Variants in PAK5 observed in about 807,000 individuals in gnomAD.
PAK5 encodes serine/threonine-protein kinase PAK 5.
In PAK5, 16 loss-of-function variants were observed where a neutral mutation model predicts 65.9. The ratio of observed to expected loss-of-function variants is 0.24; its 90% CI spans 0.16 to 0.37. PAK5 has a LOEUF of 0.37. Among genes scored for constraint, PAK5 ranks in the 10% least tolerant of loss-of-function variants. The pLI is 1.00. For synonymous variants in PAK5, 371 were observed against 354.9 expected, an observed-to-expected ratio of 1.05 and a Z score of -0.51; for missense variants, 785 against 903.9, an observed-to-expected ratio of 0.87 and a Z score of 1.69.
At position 9,607,663 on chromosome 20, in the gene PAK5, T is replaced by C. The variant is rs149988758; in HGVS notation, c.205-26733A>G. On this transcript the variant is annotated intron_variant, in intron 3 of 9. Transcript: ENST00000353224. ...GGAGACCCTGTATCTACAAAAAATA[T>C]TTTAAAAAATTAGCCAGGCATGGTA... Among the ~76,000 whole-genome samples the C allele has an allele frequency of 1.6e-4, 24 of 152,062 alleles. No individual in the cohort carries two copies. The East Asian group carries it at 3.1e-3, about 20-fold the overall frequency.
intron 3 of PAK5, among the ~76,000 whole-genome samples, chr20:9,594,662 T>C (rs1388385870): frequency 6.6e-6 from 1 of 152,212 alleles, no homozygotes; most frequent in Non-Finnish European, 1.5e-5. Context: ...AGGACAACTC[T>C]GATATGGGAG....
intron 1 of PAK5, among the ~76,000 whole-genome samples, chr20:9,725,520 C>T (rs570187769): frequency 6.6e-5 from 10 of 152,132 alleles, no homozygotes; most frequent in East Asian, 1.9e-4. Context: ...AAGCCCCTTA[C>T]GGCAAAAGAA....
intron 1 of PAK5, among the ~76,000 whole-genome samples, chr20:9,809,342 T>TTTC (rs1340722370): frequency 6.6e-6 from 1 of 151,170 alleles, no homozygotes; most frequent in Non-Finnish European, 1.5e-5. Flanking sequence ...CAAATTTTTT[T>TTTC]TTTTTTTTTT....
chr20:9,703,752 C>G (rs1019336339), intron 2 of PAK5, among the ~76,000 whole-genome samples: 13 of 152,042 alleles, frequency 8.6e-5, no homozygotes, highest in Non-Finnish European at 1.0e-4. Context: ...TATATCCCCC[C>G]CTCCACTCTA....
chr20:9,717,639 G>A (rs934423832), intron 1 of PAK5, among the ~76,000 whole-genome samples: 4 of 152,248 alleles, frequency 2.6e-5, no homozygotes, highest in Admixed American at 2.6e-4. Context: ...TTGAGACCAA[G>A]GACCAAGTCT....
intron 2 of PAK5, among the ~76,000 whole-genome samples, chr20:9,656,720 ATGT>A (rs2047273293): frequency 6.6e-6 from 1 of 152,190 alleles, no homozygotes; most frequent in Non-Finnish European, 1.5e-5. Context: ...TCTATGTCAA[ATGT>A]TGTGAACATT....
At chr20:9,688,748 C>T (rs1392058957) in intron 2 of PAK5, among the ~76,000 whole-genome samples, 1 of 151,984 alleles carries the variant, frequency 6.6e-6, no homozygotes, top group Non-Finnish European at 1.5e-5. Flanking sequence ...GCTTCAGTTT[C>T]CCCACTAGCA....
chr20:9,599,995 A>T (rs2046333449), intron 3 of PAK5, among the ~76,000 whole-genome samples: 1 of 152,116 alleles, frequency 6.6e-6, no homozygotes, highest in South Asian at 2.1e-4. Context: ...CTGTGGTTAC[A>T]TTTTGACCCA....
intron 4 of PAK5, among the ~76,000 whole-genome samples, chr20:9,569,886 C>T (rs1336840164): frequency 6.6e-6 from 1 of 151,122 alleles, no homozygotes; most frequent in Non-Finnish European, 1.5e-5. Flanking sequence ...ATTCACCACT[C>T]AGACAGCCTT....
chr20:9,610,552 T>C (rs529360894), intron 3 of PAK5, among the ~76,000 whole-genome samples: 1 of 152,326 alleles, frequency 6.6e-6, no homozygotes, highest in African/African-American at 2.4e-5. Flanking sequence ...GGGATGTACC[T>C]GATGCTTGAA....
At chr20:9,621,920 A>C (rs1430743445) in intron 3 of PAK5, among the ~76,000 whole-genome samples, 12 of 152,184 alleles carry the variant, frequency 7.9e-5, no homozygotes. Flanking sequence ...CTCAGGCTAG[A>C]CTGGAACTGA....
intron 3 of PAK5, among the ~76,000 whole-genome samples, chr20:9,588,951 T>A (rs1369456445): frequency 2.0e-5 from 3 of 152,226 alleles, no homozygotes; most frequent in Non-Finnish European, 4.4e-5. Flanking sequence ...ATAATGGATC[T>A]GTCTGTGAAA....
intron 1 of PAK5, among the ~76,000 whole-genome samples, chr20:9,828,000 GT>G (rs998752060): frequency 1.3e-5 from 2 of 151,866 alleles, no homozygotes; most frequent in Non-Finnish European, 2.9e-5. Context: ...CCCAGCTAAT[GT>G]TTTTTTGTAT....
chr20:9,573,640 G>C (rs1179584407), intron 4 of PAK5, among the ~76,000 whole-genome samples: 1 of 152,160 alleles, frequency 6.6e-6, no homozygotes. Flanking sequence ...TTGGTTAGGG[G>C]AGGGTGAGAG....
chr20:9,662,804 G>A (rs756767114), intron 2 of PAK5, among the ~76,000 whole-genome samples: 19 of 151,992 alleles, frequency 1.3e-4, no homozygotes, highest in Non-Finnish European at 2.5e-4. Context: ...ACACTATGCT[G>A]TCAGCAAATA....
At chr20:9,671,106 G>A (rs1199518878) in intron 2 of PAK5, among the ~76,000 whole-genome samples, 1 of 152,116 alleles carries the variant, frequency 6.6e-6, no homozygotes, top group Admixed American at 6.6e-5. Flanking sequence ...TTATTTCTGA[G>A]GGCTCTGTTC....
intron 1 of PAK5, among the ~76,000 whole-genome samples, chr20:9,807,398 C>T (rs921770686): frequency 2.6e-5 from 4 of 152,040 alleles, no homozygotes; most frequent in Non-Finnish European, 5.9e-5. Context: ...AGCGAAGCAC[C>T]CATACGGCAG....
intron 1 of PAK5, among the ~76,000 whole-genome samples, chr20:9,761,199 T>C (rs1375298696): frequency 6.6e-6 from 1 of 152,104 alleles, no homozygotes; most frequent in Non-Finnish European, 1.5e-5. Flanking sequence ...ATAAATATCA[T>C]CTTCCAGGCC....
intron 8 of PAK5, among the ~76,000 whole-genome samples, chr20:9,544,145 G>GTAGGACCT (rs1216870385): frequency 6.6e-6 from 1 of 152,182 alleles, no homozygotes; most frequent in Non-Finnish European, 1.5e-5. Context: ...CTGTAGGACT[G>GTAGGACCT]CAATAAACAG....
Sources: gnomAD v4.1 joint callset for allele counts (sites outside exome capture counted in the v4.1 genomes callset) on GRCh38, gnomAD v4.1.1 for gene constraint, MANE v1.5 for transcripts, NCBI Gene and HGNC (gene_info 2026-07-23, HGNC 2026-07-21) for gene names.